CCDC157: variants seen among roughly 807,000 people sequenced by gnomAD.
CCDC157 encodes the protein coiled-coil domain containing 157, also known as coiled-coil domain-containing protein 157.
A neutral mutation model predicts 70.9 loss-of-function variants in CCDC157; 60 were observed. The observed-to-expected ratio is 0.85, with a 90% CI of 0.69 to 1.05. The LOEUF (loss-of-function observed/expected upper bound fraction) is 1.05. Ranked by LOEUF, CCDC157 falls within the 50% of genes least tolerant of loss-of-function variation. CCDC157 has a pLI of 0.00. For synonymous variants in CCDC157, 373 were observed against 422.4 expected (o/e 0.88, Z 1.43); for missense variants, 943 against 984.2 (o/e 0.96, Z 0.56).
intron 10 of CCDC157, chr22:30,375,962 C>A: frequency 1.9e-6 from 1 of 533,062 alleles, no homozygotes; most frequent in Admixed American, 3.7e-5. Context: ...CTGAGGCGGG[C>A]AGATCACTCG....
At position 30,372,222 on chromosome 22, in the gene CCDC157, G is replaced by C; in HGVS notation, c.1271G>C (p.Cys424Ser). 1 of 1,596,072 alleles carries C rather than the reference G, an allele frequency of 6.3e-7. No homozygotes were observed. The highest frequency in any genetic ancestry group is 1.9e-4 in the Middle Eastern group (1 of 5,164). The change falls in exon 7 of 12, where the codon TGC becomes TCC. Residue 424 changes from cysteine (C) to serine (S), a missense_variant. Transcript: ENST00000338306. The stretch of plus-strand genomic sequence containing the variant: ...CTGGAGGGCGCTGGCCAGCAGGTCT[G>C]CTGGGCCAGCACGGAGCTGGATAAG... ...GRLEGAGQQV[C>S]WASTELDKEK...
At chr22:30,374,664 T>C (rs1039805254) in intron 9 of CCDC157, 2 of 456,650 alleles carry the variant, frequency 4.4e-6, no homozygotes, top group East Asian at 6.9e-5. Flanking sequence ...TGAGACATCA[T>C]CCAGGCCCTT....
At chr22:30,373,518 C>T (rs1026567478) in intron 7 of CCDC157, 79 bp from the exon 8 acceptor site, 10 of 1,476,896 alleles carry the variant, frequency 6.8e-6, no homozygotes, top group Non-Finnish European at 8.3e-6. Context: ...GTAGTAGATG[C>T]TGTAGCCTCC....
chr22:30,358,413 G>A (rs1034113025), intron 1 of CCDC157, among the ~76,000 whole-genome samples: 1 of 152,234 alleles, frequency 6.6e-6, no homozygotes, highest in African/African-American at 2.4e-5. Context: ...GTTCAAGCCA[G>A]TCTTATTCCT....
Position 30,375,595 on chromosome 22 carries a change from G to C in CCDC157, c.1789G>C (p.Glu597Gln). 11 of 1,614,154 alleles carry C rather than the reference G, an allele frequency of 6.8e-6. No homozygotes were observed. The highest frequency in any genetic ancestry group is 9.3e-6 in the Non-Finnish European group (11 of 1,180,024). The change falls in exon 10 of 12, where the codon GAG (glutamate) becomes CAG (glutamine). Residue 597 changes from glutamate (E) to glutamine (Q), a missense_variant. Glu to Gln is a conservative substitution (Grantham distance 29, BLOSUM62 2). Transcript: ENST00000338306. ...SNDIRIRVLQEENGRLQSMLS... is the reference protein window; with the variant it reads ...SNDIRIRVLQQENGRLQSMLS... ...CGACATCCGCATCCGGGTCCTACAG[G>C]AGGAGAACGGGCGGCTCCAATCAAT... is the stretch of plus-strand genomic sequence containing the variant.
At position 30,357,055 on chromosome 22, in the gene CCDC157, C is replaced by G; in HGVS notation, c.-243C>G. 1 of 364,788 alleles carries G rather than the reference C, an allele frequency of 2.7e-6. No homozygotes were observed. Among genetic ancestry groups the G allele is most frequent in the Non-Finnish European group, 4.9e-6 (1 of 204,590 alleles). 22.6% of individuals were successfully genotyped at this position (364,788 alleles called of 1,614,324 possible). On this transcript the variant is annotated 5_prime_UTR_variant, in exon 1 of 12. Coordinates refer to ENST00000338306, the MANE Select transcript of CCDC157 (RefSeq NM_001017437.5). ...GCCCGGCTAGGGCTTTTCGGGGATC[C>G]CGGTGGCCGCAGGCGCACCGGGGGC...
intron 10 of CCDC157, chr22:30,376,034 AAG>A (rs1309917668): frequency 5.4e-6 from 3 of 555,912 alleles, no homozygotes; most frequent in Non-Finnish European, 9.5e-6. Flanking sequence ...CAAAAAAAAA[AAG>A]AAGCCATGTC....
rs2015035 is a variant in CCDC157, at chr22:30,375,565, T to G, written c.1759T>G (p.Ser587Ala). Residue 587 changes from serine to alanine, a missense_variant, in exon 10 of 12, where the codon TCC becomes GCC. By Grantham distance (99) the Ser-to-Ala change is moderately conservative (BLOSUM62 1). Transcript: ENST00000338306. ...AGATCACATGGAGAGGCAAGTGCAG[T>G]CCAACGACATCCGCATCCGGGTCCT... ...VTDHMERQVQ[S>A]NDIRIRVLQE... 1,544,774 of 1,614,184 alleles carry G rather than the reference T, an allele frequency of 0.96. 739,341 individuals are homozygous for G. The highest frequency in any genetic ancestry group is 1 in the East Asian group (44,866 of 44,868).
intron 6 of CCDC157, 141 bp downstream of exon 6, chr22:30,371,868 C>G: frequency 1.2e-6 from 1 of 826,952 alleles, no homozygotes; most frequent in East Asian, 2.7e-5. Context: ...TGACCAACCA[C>G]ACTATTGGCG....
intron 2 of CCDC157, among the ~76,000 whole-genome samples, chr22:30,363,084 C>T (rs1323039111): frequency 2.6e-5 from 4 of 152,178 alleles, no homozygotes; most frequent in African/African-American, 7.2e-5. Flanking sequence ...ACTCAGCATC[C>T]GCATAGCTGC....
upstream of CCDC157, chr22:30,356,643 C>A: frequency 9.2e-7 from 1 of 1,089,386 alleles, no homozygotes; most frequent in Non-Finnish European, 1.2e-6. Flanking sequence ...CCAAGCCCTT[C>A]ATAGCGGCCG....
intron 3 of CCDC157, chr22:30,369,155 C>T (rs1393282948): frequency 3.3e-6 from 1 of 300,092 alleles, no homozygotes; most frequent in East Asian, 5.4e-5. Context: ...CCAGGCCTGG[C>T]TTCACAGAGC....
At chr22:30,374,140 C>A in intron 9 of CCDC157, 49 bp downstream of exon 9, 2 of 1,545,344 alleles carry the variant, frequency 1.3e-6, no homozygotes, top group Non-Finnish European at 1.8e-6. Context: ...TCAGGGCCAG[C>A]AGCTGAGGGC....
At chr22:30,362,893 AG>A (rs1475679843) in intron 2 of CCDC157, among the ~76,000 whole-genome samples, 2 of 152,124 alleles carry the variant, frequency 1.3e-5, no homozygotes, top group Non-Finnish European at 2.9e-5. Flanking sequence ...TGGGGAGGAT[AG>A]GTTTGGGAGA....
chr22:30,357,178 C>T (rs1230033516), intron 1 of CCDC157, 46 bp downstream of exon 1: 1 of 182,176 alleles, frequency 5.5e-6, no homozygotes, highest in East Asian at 1.3e-4. Context: ...GCACTCACCT[C>T]GCGGCTCCTT....
At chr22:30,357,981 C>T (rs1005563477) in intron 1 of CCDC157, among the ~76,000 whole-genome samples, 1 of 152,136 alleles carries the variant, frequency 6.6e-6, no homozygotes, top group African/African-American at 2.4e-5. Flanking sequence ...TAGGCTTCAC[C>T]CCTCACTCTC....
At chr22:30,371,822 C>T (rs373226405) in intron 6 of CCDC157, 95 bp downstream of exon 6, 2 of 1,180,116 alleles carry the variant, frequency 1.7e-6, no homozygotes, top group East Asian at 2.5e-5. Context: ...GCATCCAGGG[C>T]AAAGTTGAAG....
intron 3 of CCDC157, 175 bp from the exon 4 acceptor site, chr22:30,369,257 C>T (rs1018431443): frequency 1.9e-5 from 9 of 484,310 alleles, no homozygotes; most frequent in Admixed American, 4.2e-5. Flanking sequence ...GGGAGGGCTT[C>T]CCTGAGGAAG....
At chr22:30,357,733 T>A (rs1293399115) in intron 1 of CCDC157, among the ~76,000 whole-genome samples, 1 of 150,248 alleles carries the variant, frequency 6.7e-6, no homozygotes, top group African/African-American at 2.5e-5. Context: ...GCCAGGCTGG[T>A]CTGGAACTCC....
Sources: allele counts gnomAD v4.1 joint callset (sites outside exome capture counted in the v4.1 genomes callset), GRCh38; gene constraint gnomAD v4.1.1; transcripts MANE v1.5; gene names NCBI Gene and HGNC (gene_info 2026-07-23, HGNC 2026-07-21).